Variants in IMMP2L observed in about 807,000 individuals in gnomAD.
IMMP2L encodes the protein mitochondrial inner membrane protease subunit 2.
Under a neutral mutation model 19.3 loss-of-function variants are expected in IMMP2L, and 18 were observed. That is an observed-to-expected ratio of 0.93 (90% CI 0.64 to 1.38). The LOEUF (loss-of-function observed/expected upper bound fraction) is 1.38. Among genes scored for constraint, IMMP2L ranks in the 40% most tolerant of loss-of-function variants. IMMP2L has a pLI of 0.00. For synonymous variants in IMMP2L, 76 were observed against 73.0 expected, an observed-to-expected ratio of 1.04 and a Z score of -0.21; for missense variants, 233 against 218.2, an observed-to-expected ratio of 1.07 and a Z score of -0.43.
chr7:110,822,861 C>A (rs957069128), intron 5 of IMMP2L, among the ~76,000 whole-genome samples: 1 of 152,046 alleles, frequency 6.6e-6, no homozygotes, highest in African/African-American at 2.4e-5. Flanking sequence ...GCTCCATTGG[C>A]CACTAAATTC....
intron 5 of IMMP2L, among the ~76,000 whole-genome samples, chr7:110,883,372 C>T (rs1353895441): frequency 1.3e-5 from 2 of 152,136 alleles, no homozygotes; most frequent in Admixed American, 6.6e-5. Context: ...TCCTATTAGG[C>T]ATATTTCCTT....
chr7:110,942,511 T>A (rs887338895), intron 4 of IMMP2L, among the ~76,000 whole-genome samples: 1 of 151,960 alleles, frequency 6.6e-6, no homozygotes, highest in Non-Finnish European at 1.5e-5. Flanking sequence ...GAATGATTTT[T>A]TCTCCCTTGA....
At chr7:111,150,327 G>GT (rs1357569683) in intron 3 of IMMP2L, among the ~76,000 whole-genome samples, 2 of 152,134 alleles carry the variant, frequency 1.3e-5, no homozygotes, top group Non-Finnish European at 2.9e-5. Context: ...AGTCAAGGGG[G>GT]TCCTGGTTCT....
intron 5 of IMMP2L, among the ~76,000 whole-genome samples, chr7:110,694,413 T>C (rs2130572825): frequency 6.7e-6 from 1 of 149,776 alleles, no homozygotes; most frequent in Non-Finnish European, 1.5e-5. Flanking sequence ...ACAATATACA[T>C]GATACAGAAA....
chr7:110,909,943 A>T lies in IMMP2L; in HGVS notation c.306-23248T>A, dbSNP rs189825567. 1.1e-4 allele frequency among the ~76,000 whole-genome samples: 17 copies of T among 152,234 alleles called. No homozygotes were observed. In the East Asian group the frequency reaches 3.3e-3, roughly 29 times the overall value. On this transcript the variant is annotated intron_variant, in intron 4 of 5. Transcript: ENST00000405709. ...GAGATAGACAGAGAGAGAGAGAGAG[A>T]GAGAGAGACCATTAAAACAGTAAAT...
At chr7:111,328,586 T>C (rs1178993120) in intron 3 of IMMP2L, among the ~76,000 whole-genome samples, 1 of 151,878 alleles carries the variant, frequency 6.6e-6, no homozygotes, top group Admixed American at 6.6e-5. Context: ...TTAGAATTAG[T>C]TATAAAAACT....
intron 3 of IMMP2L, among the ~76,000 whole-genome samples, chr7:110,987,407 G>A (rs1038639356): frequency 5.9e-5 from 9 of 152,054 alleles, no homozygotes; most frequent in Admixed American, 5.9e-4. Flanking sequence ...TATCTCTTTT[G>A]AACTACAGGC....
chr7:111,022,017 A>G (rs1029335866), intron 3 of IMMP2L, among the ~76,000 whole-genome samples: 2 of 152,150 alleles, frequency 1.3e-5, no homozygotes, highest in Non-Finnish European at 2.9e-5. Context: ...CTACAATTTA[A>G]CATGAGATTT....
intron 2 of IMMP2L, among the ~76,000 whole-genome samples, chr7:111,499,990 C>A (rs1585372663): frequency 1.3e-5 from 2 of 152,120 alleles, no homozygotes; most frequent in South Asian, 2.1e-4. Context: ...CAGGCACAAG[C>A]CAAAGCAGGG....
At chr7:111,190,246 T>G (rs963727789) in intron 3 of IMMP2L, among the ~76,000 whole-genome samples, 2 of 152,066 alleles carry the variant, frequency 1.3e-5, no homozygotes, top group African/African-American at 4.8e-5. Flanking sequence ...CTAAGCTTTC[T>G]AACTACTTGC....
intron 5 of IMMP2L, among the ~76,000 whole-genome samples, chr7:110,801,903 G>A (rs913115316): frequency 3.9e-5 from 6 of 152,010 alleles, no homozygotes; most frequent in Admixed American, 3.9e-4. Flanking sequence ...AGCTATGGGA[G>A]GTAGGTGGTA....
In IMMP2L at chr7:111,111,299, TAA is replaced by T. The variant is rs751990466; in HGVS notation, c.240-147736_240-147735del. Among the ~76,000 whole-genome samples, 28 of 92,216 alleles carry T rather than the reference TAA, an allele frequency of 3.0e-4. 1 individual carries two copies. Among genetic ancestry groups the T allele is most frequent in the South Asian group, 1.0e-3 (3 of 2,942 alleles). The allele number at this position is 92,216 out of a possible 152,430, so 60.5% of individuals were successfully genotyped here. A position where few individuals can be genotyped will look rare whatever the true frequency, so the allele number is the denominator to read the frequency against. On this transcript the variant is annotated intron_variant, in intron 3 of 5. Transcript: ENST00000405709. The stretch of plus-strand genomic sequence containing the variant: ...CCATGCTCTTCATGGGTAGCAGTTG[TAA>T]AAAAAAAAAAAAAAAAAAAAAGTTA...
At chr7:110,863,584 A>G (rs1046058448) in intron 5 of IMMP2L, among the ~76,000 whole-genome samples, 2 of 152,080 alleles carry the variant, frequency 1.3e-5, no homozygotes, top group African/African-American at 4.8e-5. Flanking sequence ...TACTCTCTCA[A>G]GATGGTGGCA....
chr7:111,351,021 T>C (rs80199948), intron 3 of IMMP2L, among the ~76,000 whole-genome samples: 1,613 of 152,268 alleles, frequency 0.011, 29 homozygotes, highest in African/African-American at 0.036. Context: ...GAAATCATAA[T>C]CTTAAAATTT....
chr7:110,845,700 T>C (rs1449223446), intron 5 of IMMP2L, among the ~76,000 whole-genome samples: 1 of 152,144 alleles, frequency 6.6e-6, no homozygotes, highest in African/African-American at 2.4e-5. Context: ...CAAACTGTCT[T>C]CTCCCTTAAC....
chr7:110,747,720 G>T (rs891890838), intron 5 of IMMP2L, among the ~76,000 whole-genome samples: 1 of 152,016 alleles, frequency 6.6e-6, no homozygotes, highest in South Asian at 2.1e-4. Flanking sequence ...AAAAACTCTC[G>T]ATAAACTAGG....
At chr7:110,880,020 A>T (rs141546936) in intron 5 of IMMP2L, among the ~76,000 whole-genome samples, 3 of 152,256 alleles carry the variant, frequency 2.0e-5, no homozygotes, top group African/African-American at 7.2e-5. Context: ...ATATTACAAA[A>T]ATAACTTCTA....
At chr7:110,773,270 C>A (rs1244338420) in intron 5 of IMMP2L, among the ~76,000 whole-genome samples, 1 of 152,084 alleles carries the variant, frequency 6.6e-6, no homozygotes, top group Non-Finnish European at 1.5e-5. Context: ...AAAATGTTCA[C>A]AACCCGCCTG....
chr7:110,795,596 T>C (rs1800810299), intron 5 of IMMP2L, among the ~76,000 whole-genome samples: 1 of 151,984 alleles, frequency 6.6e-6, no homozygotes, highest in Non-Finnish European at 1.5e-5. Flanking sequence ...ACCAGAAATG[T>C]AGAGACAAAT....
Sources: gnomAD v4.1 joint callset for allele counts (sites outside exome capture counted in the v4.1 genomes callset) on GRCh38, gnomAD v4.1.1 for gene constraint, MANE v1.5 for transcripts, NCBI Gene and HGNC (gene_info 2026-07-23, HGNC 2026-07-21) for gene names.